ZNF454: variants seen among roughly 807,000 people sequenced by gnomAD.
The protein encoded by ZNF454 is zinc finger protein 454.
ZNF454 carries 30 observed loss-of-function variants against 48.2 expected under a neutral mutation model. The ratio of observed to expected loss-of-function variants is 0.62; its 90% confidence interval spans 0.47 to 0.84. ZNF454 has a LOEUF of 0.84. Among genes scored for constraint, ZNF454 ranks in the 40% least tolerant of loss-of-function variants. ZNF454 has a pLI of 0.00. For missense variants in ZNF454, 510 were observed against 623.1 expected, an observed-to-expected ratio of 0.82 and a Z score of 1.93; for synonymous variants, 204 against 211.4, an observed-to-expected ratio of 0.97 and a Z score of 0.30.
At chr5:178,985,684 C>G in the ZNF454 span, 3 of 392,236 alleles carry the variant, frequency 7.6e-6, no homozygotes, top group Non-Finnish European at 4.9e-6. Context: ...GCCTGGGCGA[C>G]ACAGCGAGAC....
chr5:178,989,207 C>G, the ZNF454 span: 1 of 254,644 alleles, frequency 3.9e-6, no homozygotes, highest in Non-Finnish European at 6.3e-6. Context: ...CCTTCCCCCT[C>G]CCCACCCTCA....
chr5:178,986,032 G>A, the ZNF454 span: 13 of 1,135,764 alleles, frequency 1.1e-5, no homozygotes, highest in South Asian at 1.5e-5. Flanking sequence ...AAGGTGCTGG[G>A]ACTACAGGCG....
chr5:178,971,990 A>G, the ZNF454 span, among the ~76,000 whole-genome samples: 2 of 152,128 alleles, frequency 1.3e-5, no homozygotes, highest in East Asian at 1.9e-4. Flanking sequence ...CTGGAGCACA[A>G]TGGTGCAATC....
At chr5:178,985,576 G>A in the ZNF454 span, 4,527 of 338,742 alleles carry the variant, frequency 0.013, 76 homozygotes, top group East Asian at 0.048. Flanking sequence ...GGTGGCGGGC[G>A]CCTGTAGTCC....
chr5:178,951,490 A>T (rs941067203), intron 4 of ZNF454, among the ~76,000 whole-genome samples: 1 of 152,164 alleles, frequency 6.6e-6, no homozygotes, highest in Non-Finnish European at 1.5e-5. Context: ...ACAGACGTCT[A>T]TAGATCTAAG....
At chr5:178,972,094 T>C in the ZNF454 span, among the ~76,000 whole-genome samples, 1 of 151,950 alleles carries the variant, frequency 6.6e-6, no homozygotes, top group Non-Finnish European at 1.5e-5. Context: ...CCACCACACC[T>C]GGCTAATTTT....
chr5:178,965,020 A>G lies in ZNF454; in HGVS notation c.616A>G (p.Asn206Asp). 1 of 1,614,020 alleles carries G rather than the reference A, an allele frequency of 6.2e-7. No homozygotes were observed. The highest frequency in any genetic ancestry group is 8.5e-7 in the Non-Finnish European group (1 of 1,179,976). ...GAAAATTCATAATGAAAAAAATGCA[A>G]ATCAGAAAATTCATATTAAGGAGAA... ...HQKIHNEKNA[N>D]QKIHIKEKRY... The change falls in exon 5 of 5, where the codon AAT becomes GAT. Residue 206 changes from asparagine (N) to aspartate (D), a missense_variant. Around this residue, in one of 3 missense-constraint regions of ZNF454, gnomAD observed 354 missense variants for 408.9 expected, o/e 0.87. Transcript: ENST00000519564. This position sits in a 1 kb window ranked among gnomAD's most constrained non-coding sequence, Gnocchi z 5.2.
intron 4 of ZNF454, among the ~76,000 whole-genome samples, chr5:178,953,464 G>T (rs1759632076): frequency 6.6e-6 from 1 of 151,928 alleles, no homozygotes; most frequent in South Asian, 2.1e-4. Flanking sequence ...AGAAGGCTTG[G>T]CCTTCTGCAT....
At chr5:178,963,069 C>A (rs2113273478) in intron 4 of ZNF454, among the ~76,000 whole-genome samples, 1 of 151,870 alleles carries the variant, frequency 6.6e-6, no homozygotes. Flanking sequence ...TAATCTTTTG[C>A]CCTGTAAAGC....
At chr5:178,969,968 C>A (rs1760216091), downstream of ZNF454, among the ~76,000 whole-genome samples, 2 of 152,168 alleles carry the variant, frequency 1.3e-5, no homozygotes, top group Non-Finnish European at 2.9e-5. Context: ...CATCTGGGTT[C>A]TTTCTCCCTG....
chr5:178,961,004 C>A (rs891251418), intron 4 of ZNF454, among the ~76,000 whole-genome samples: 7 of 150,038 alleles, frequency 4.7e-5, no homozygotes, highest in Non-Finnish European at 8.8e-5. Context: ...GATCTCAGCT[C>A]ACTGCAACCT....
the ZNF454 span, chr5:178,986,046 G>A: frequency 1.6e-6 from 2 of 1,279,380 alleles, no homozygotes; most frequent in Non-Finnish European, 2.2e-6. Context: ...ACAGGCGTGT[G>A]CCACTGTGCC....
downstream of ZNF454, among the ~76,000 whole-genome samples, chr5:178,970,612 C>T (rs1581886359): frequency 6.6e-6 from 1 of 152,280 alleles, no homozygotes. Context: ...CAGGTTCCCA[C>T]CACCACGCCC....
chr5:178,962,614 T>C (rs1760038372), intron 4 of ZNF454, among the ~76,000 whole-genome samples: 1 of 151,860 alleles, frequency 6.6e-6, no homozygotes, highest in African/African-American at 2.4e-5. Context: ...TTCTCATTCC[T>C]GTTTCCTTGA....
chr5:178,986,524 A>T, the ZNF454 span: 2 of 1,608,472 alleles, frequency 1.2e-6, no homozygotes, highest in Non-Finnish European at 1.7e-6. Context: ...GCTCAGGCGC[A>T]CCACAGGTGT....
chr5:178,953,478 G>A (rs1022034344), intron 4 of ZNF454, among the ~76,000 whole-genome samples: 7 of 151,958 alleles, frequency 4.6e-5, no homozygotes, highest in African/African-American at 1.7e-4. Flanking sequence ...TCTGCATCTG[G>A]TGCCCAGCTG....
At chr5:178,976,772 C>T in the ZNF454 span, among the ~76,000 whole-genome samples, 1 of 152,188 alleles carries the variant, frequency 6.6e-6, no homozygotes, top group Admixed American at 6.5e-5. Flanking sequence ...TAAAGAAGTA[C>T]ACAGGGCATG....
chr5:178,942,026 A>G (rs1038737539), intron 1 of ZNF454, among the ~76,000 whole-genome samples: 4 of 152,168 alleles, frequency 2.6e-5, no homozygotes, highest in South Asian at 2.1e-4. Flanking sequence ...TCGAACCCAG[A>G]CACTGCCCTC....
intron 4 of ZNF454, among the ~76,000 whole-genome samples, chr5:178,958,782 A>G (rs188111166): frequency 6.6e-6 from 1 of 152,354 alleles, no homozygotes; most frequent in East Asian, 1.9e-4. Flanking sequence ...ATGTATGGTT[A>G]TAACTGAAGT....
Sources: gnomAD v4.1 joint callset for allele counts (sites outside exome capture counted in the v4.1 genomes callset) on GRCh38, gnomAD v4.1.1 for gene constraint, gnomAD v4.1.1 regional missense constraint, Gnocchi (gnomAD v3.1) non-coding constraint, MANE v1.5 for transcripts, NCBI Gene and HGNC (gene_info 2026-07-23, HGNC 2026-07-21) for gene names.